REDIC1: variants seen among roughly 807,000 people sequenced by gnomAD.
The protein encoded by REDIC1 is HEI10 Interacting Protein 1.
the REDIC1 span, among the ~76,000 whole-genome samples, chr12:39,644,748 A>G: frequency 6.6e-6 from 1 of 151,902 alleles, no homozygotes; most frequent in African/African-American, 2.4e-5. Flanking sequence ...CTTTATTCCC[A>G]GTCGTAGGGG....
At chr12:39,725,950 GTTTCTTGTGGACAC>G in the REDIC1 span, among the ~76,000 whole-genome samples, 1 of 151,936 alleles carries the variant, frequency 6.6e-6, no homozygotes, top group Non-Finnish European at 1.5e-5. Flanking sequence ...TTCACCTGGT[GTTTCTTGTGGACAC>G]AACTGCACAT....
chr12:39,808,080 G>A, the REDIC1 span, among the ~76,000 whole-genome samples: 2 of 152,126 alleles, frequency 1.3e-5, no homozygotes, highest in African/African-American at 2.4e-5. Context: ...ACAGACAAGA[G>A]AGTAAACATT....
At chr12:39,826,768 T>C in the REDIC1 span, among the ~76,000 whole-genome samples, 1 of 149,858 alleles carries the variant, frequency 6.7e-6, no homozygotes, top group Admixed American at 6.7e-5. Flanking sequence ...AAAATACACA[T>C]ATATACTGCA....
the REDIC1 span, among the ~76,000 whole-genome samples, chr12:39,869,120 A>T: frequency 1.3e-5 from 2 of 152,238 alleles, no homozygotes; most frequent in African/African-American, 4.8e-5. Flanking sequence ...TCAAGTATAT[A>T]TCTACATATA....
the REDIC1 span, among the ~76,000 whole-genome samples, chr12:39,706,176 C>A: frequency 6.6e-6 from 1 of 151,822 alleles, no homozygotes; most frequent in African/African-American, 2.4e-5. Context: ...CAACAGTGAA[C>A]AGTCTGAAAA....
the REDIC1 span, among the ~76,000 whole-genome samples, chr12:39,680,224 CTA>C: frequency 6.6e-6 from 1 of 152,132 alleles, no homozygotes; most frequent in South Asian, 2.1e-4. Flanking sequence ...TCTTCCCAAA[CTA>C]TGCATCTGAC....
At chr12:39,830,320 C>G in the REDIC1 span, 1 of 1,522,280 alleles carries the variant, frequency 6.6e-7, no homozygotes, top group Non-Finnish European at 8.8e-7. Flanking sequence ...ATTTTCCACT[C>G]TCTTGTGCAG....
the REDIC1 span, among the ~76,000 whole-genome samples, chr12:39,714,874 G>A: frequency 6.6e-6 from 1 of 151,744 alleles, no homozygotes; most frequent in Admixed American, 6.6e-5. Flanking sequence ...TTTGAGAATT[G>A]TCTATTCATG....
the REDIC1 span, chr12:39,646,915 G>T: frequency 6.7e-7 from 1 of 1,486,582 alleles, no homozygotes; most frequent in Non-Finnish European, 9.2e-7. Context: ...AATTCTATAG[G>T]TTATTTCAGC....
chr12:39,738,636 A>G, the REDIC1 span, among the ~76,000 whole-genome samples: 5 of 152,268 alleles, frequency 3.3e-5, no homozygotes, highest in Non-Finnish European at 7.3e-5. Flanking sequence ...TCTTTTTACT[A>G]TCATAACCTA....
chr12:39,771,719 C>T, the REDIC1 span, among the ~76,000 whole-genome samples: 1 of 152,068 alleles, frequency 6.6e-6, no homozygotes, highest in Non-Finnish European at 1.5e-5. Flanking sequence ...TTCCTTTCTT[C>T]AAACTCATAT....
At chr12:39,676,530 T>C in the REDIC1 span, among the ~76,000 whole-genome samples, 1 of 152,190 alleles carries the variant, frequency 6.6e-6, no homozygotes, top group Admixed American at 6.5e-5. Context: ...GGAAAACTTA[T>C]TTGAGGTAAT....
the REDIC1 span, among the ~76,000 whole-genome samples, chr12:39,697,771 A>C: frequency 6.6e-6 from 1 of 152,328 alleles, no homozygotes; most frequent in East Asian, 1.9e-4. Flanking sequence ...CACAAAAAAT[A>C]AAAAGTAAGA....
At chr12:39,846,490 T>C in the REDIC1 span, among the ~76,000 whole-genome samples, 1 of 152,198 alleles carries the variant, frequency 6.6e-6, no homozygotes, top group African/African-American at 2.4e-5. Context: ...TCTCACTCTG[T>C]CACCCAGGGT....
chr12:39,833,476 A>G, the REDIC1 span, among the ~76,000 whole-genome samples: 3 of 152,052 alleles, frequency 2.0e-5, no homozygotes, highest in Admixed American at 2.0e-4. Context: ...TGGAACCTTC[A>G]TGTGAATCCT....
chr12:39,742,919 C>T, the REDIC1 span, among the ~76,000 whole-genome samples: 8 of 152,102 alleles, frequency 5.3e-5, no homozygotes, highest in African/African-American at 1.9e-4. Flanking sequence ...GAAACAGTGC[C>T]TGGATAGGAA....
chr12:39,647,575 G>A, the REDIC1 span, among the ~76,000 whole-genome samples: 2 of 151,956 alleles, frequency 1.3e-5, no homozygotes, highest in Non-Finnish European at 2.9e-5. Flanking sequence ...GCAGGAGTAG[G>A]GAAGGCAGAG....
chr12:39,785,487 C>A, the REDIC1 span, among the ~76,000 whole-genome samples: 3 of 152,174 alleles, frequency 2.0e-5, no homozygotes, highest in Non-Finnish European at 4.4e-5. Context: ...AGGGGCGAGG[C>A]CCTCATGGAG....
the REDIC1 span, among the ~76,000 whole-genome samples, chr12:39,861,515 G>T: frequency 1.3e-5 from 2 of 152,032 alleles, no homozygotes; most frequent in Non-Finnish European, 2.9e-5. Context: ...ATAATAATAC[G>T]TCAAGTATTT....
Sources: allele counts gnomAD v4.1 joint callset (sites outside exome capture counted in the v4.1 genomes callset), GRCh38; gene constraint gnomAD v4.1.1; transcripts MANE v1.5; gene names NCBI Gene and HGNC (gene_info 2026-07-23, HGNC 2026-07-21).